The following ANXA10 variants were observed in gnomAD, a reference collection of about 807,000 sequenced individuals.
The protein encoded by ANXA10 is annexin 14.
ANXA10 carries 49 observed loss-of-function variants against 53.5 expected under a neutral mutation model. The observed-to-expected ratio is 0.92, with a 90% CI of 0.73 to 1.16. The LOEUF is 1.16. ANXA10 is among the 50% of genes most tolerant of loss of function. The pLI, the probability that ANXA10 is intolerant of heterozygous loss-of-function variation, is 0.00. For missense variants in ANXA10, 393 were observed against 394.4 expected (o/e 1.00, Z 0.03); for synonymous variants, 131 against 128.9 (o/e 1.02, Z -0.11).
At chr4:168,138,563 G>A (rs1415036821) in intron 2 of ANXA10, among the ~76,000 whole-genome samples, 8 of 152,086 alleles carry the variant, frequency 5.3e-5, no homozygotes, top group East Asian at 3.9e-4. Flanking sequence ...GTAAGATTGC[G>A]TTGGCTATTC....
At chr4:168,174,943 C>T (rs1367191541) in intron 6 of ANXA10, among the ~76,000 whole-genome samples, 2 of 152,080 alleles carry the variant, frequency 1.3e-5, no homozygotes, top group Non-Finnish European at 2.9e-5. Context: ...GATGACAGAT[C>T]TTTGCTAGAG....
intron 3 of ANXA10, among the ~76,000 whole-genome samples, chr4:168,156,689 G>C (rs919556523): frequency 6.6e-6 from 1 of 151,340 alleles, no homozygotes; most frequent in African/African-American, 2.4e-5. Flanking sequence ...ATTTTTAGTA[G>C]AGACGGGGTT....
intron 1 of ANXA10, among the ~76,000 whole-genome samples, chr4:168,107,648 G>C (rs970042167): frequency 3.3e-5 from 5 of 152,160 alleles, no homozygotes; most frequent in African/African-American, 1.2e-4. Flanking sequence ...CTGGAGGCTG[G>C]AAAGTCCAAG....
intron 3 of ANXA10, among the ~76,000 whole-genome samples, chr4:168,153,438 AAAACAAAAACAAAAAC>A (rs1731535828): frequency 1.9e-5 from 1 of 52,708 alleles, no homozygotes; most frequent in Admixed American, 1.9e-4. Flanking sequence ...AAAAAAAAAA[AAAACAAAAACAAAAAC>A]AAAACAAAAA....
chr4:168,093,172 TATC>T (rs1396737875), intron 1 of ANXA10, among the ~76,000 whole-genome samples: 4 of 152,172 alleles, frequency 2.6e-5, no homozygotes, highest in African/African-American at 9.7e-5. Flanking sequence ...TAACTGAAGT[TATC>T]ATAAGATTTT....
intron 10 of ANXA10, among the ~76,000 whole-genome samples, chr4:168,183,343 T>C (rs918530953): frequency 6.6e-6 from 1 of 152,218 alleles, no homozygotes; most frequent in Non-Finnish European, 1.5e-5. Context: ...TCCTATTCTA[T>C]TTTCTAGGAG....
intron 3 of ANXA10, among the ~76,000 whole-genome samples, chr4:168,149,139 A>G (rs189098875): frequency 9.5e-4 from 144 of 152,258 alleles, no homozygotes; most frequent in Admixed American, 8.5e-3. Context: ...GGTAGTCAAC[A>G]GGCTTGTACA....
Position 168,123,743 on chromosome 4 carries a change from T to C in ANXA10, c.19-4341T>C, listed in dbSNP as rs184604424. Among the ~76,000 whole-genome samples the C allele has an allele frequency of 5.5e-4, 83 of 151,288 alleles. No homozygotes were observed. In the East Asian group the frequency reaches 0.015, roughly 28 times the overall value. ...GAAGAGAGCCATTGTCAGCATGTTATTTTTTTTTCACCCAGACAAACCTAA... is the reference window on the plus strand; with the variant it reads ...GAAGAGAGCCATTGTCAGCATGTTACTTTTTTTTCACCCAGACAAACCTAA... On this transcript the variant is annotated intron_variant, in intron 1 of 11. Coordinates refer to ENST00000359299, the MANE Select transcript of ANXA10 (RefSeq NM_007193.5).
intron 11 of ANXA10, among the ~76,000 whole-genome samples, chr4:168,185,100 G>A (rs1439023156): frequency 2.6e-5 from 4 of 152,096 alleles, no homozygotes; most frequent in Admixed American, 1.3e-4. Flanking sequence ...CTTGCAGTGA[G>A]CTGAGATTGC....
chr4:168,141,115 C>A (rs1731318544), intron 3 of ANXA10, among the ~76,000 whole-genome samples: 1 of 152,170 alleles, frequency 6.6e-6, no homozygotes, highest in Non-Finnish European at 1.5e-5. Flanking sequence ...AGAATTTATA[C>A]TCCACTGAAG....
intron 1 of ANXA10, among the ~76,000 whole-genome samples, chr4:168,124,619 A>G: frequency 6.6e-6 from 1 of 152,072 alleles, no homozygotes; most frequent in East Asian, 1.9e-4. Flanking sequence ...CCTATATGAT[A>G]CTCTCACTCA....
intron 1 of ANXA10, among the ~76,000 whole-genome samples, chr4:168,111,469 A>G (rs1010224557): frequency 1.3e-5 from 2 of 152,202 alleles, no homozygotes; most frequent in African/African-American, 4.8e-5. Context: ...AGAAAAGCAT[A>G]AAATTGACAG....
Position 168,177,748 on chromosome 4 carries a change from A to G in ANXA10, c.489A>G (p.Arg163=), listed in dbSNP as rs1732157949. Reference sequence around the variant, plus strand: ...CTGTGCTTACTTTACAGGGGACCAGAGAGGAAGGATATACAGACCCTGCGA... The same window carrying G: ...CTGTGCTTACTTTACAGGGGACCAGGGAGGAAGGATATACAGACCCTGCGA... ...DTLMNLVQGT[R]EEGYTDPAMA... The change falls in exon 7 of 12, where the codon AGA becomes AGG. Residue 163 remains arginine, a synonymous_variant. Transcript: ENST00000359299. 2.5e-6 allele frequency: 4 copies of G among 1,614,082 alleles called. No homozygotes were observed. The highest frequency in any genetic ancestry group is 3.4e-6 in the Non-Finnish European group (4 of 1,180,028).
chr4:168,110,250 A>T (rs560281668), intron 1 of ANXA10, among the ~76,000 whole-genome samples: 29 of 152,154 alleles, frequency 1.9e-4, no homozygotes, highest in Non-Finnish European at 3.8e-4. Flanking sequence ...AAAATAAATA[A>T]ACTCCATGTT....
intron 6 of ANXA10, among the ~76,000 whole-genome samples, chr4:168,175,858 GCTTA>G (rs1271080586): frequency 8.5e-5 from 13 of 152,182 alleles, no homozygotes; most frequent in African/African-American, 3.1e-4. Flanking sequence ...AAAAATGGTA[GCTTA>G]CTTATTTCTT....
intron 10 of ANXA10, among the ~76,000 whole-genome samples, chr4:168,182,713 A>T (rs1231571525): frequency 6.6e-6 from 1 of 150,790 alleles, no homozygotes; most frequent in Non-Finnish European, 1.5e-5. Flanking sequence ...TACATGAAAC[A>T]AAAAAAGAAA....
intron 1 of ANXA10, among the ~76,000 whole-genome samples, chr4:168,110,814 G>C (rs1730796271): frequency 6.6e-6 from 1 of 152,076 alleles, no homozygotes. Flanking sequence ...ACCAACCAGA[G>C]CCATGCATTA....
intron 3 of ANXA10, among the ~76,000 whole-genome samples, chr4:168,150,059 C>A (rs998716409): frequency 1.3e-5 from 2 of 152,186 alleles, no homozygotes; most frequent in Non-Finnish European, 2.9e-5. Flanking sequence ...TTTCCCCAGT[C>A]ACCTGCAGGA....
chr4:168,155,632 AATT>A (rs1361652392), intron 3 of ANXA10, among the ~76,000 whole-genome samples: 1 of 69,696 alleles, frequency 1.4e-5, no homozygotes, highest in African/African-American at 5.4e-5. Context: ...AAATATATAT[AATT>A]ATATATAATT....
Sources: gnomAD v4.1 joint callset for allele counts (sites outside exome capture counted in the v4.1 genomes callset) on GRCh38, gnomAD v4.1.1 for gene constraint, MANE v1.5 for transcripts, NCBI Gene and HGNC (gene_info 2026-07-23, HGNC 2026-07-21) for gene names.